The following SLIT3 variants were observed in gnomAD, a reference collection of about 807,000 sequenced individuals.
SLIT3 encodes the protein slit homolog 3 protein.
Under a neutral mutation model 184.0 loss-of-function variants are expected in SLIT3, and 68 were observed. The observed-to-expected ratio is 0.37, with a 90% CI of 0.30 to 0.45. The LOEUF is 0.45. Ranked by LOEUF, SLIT3 falls within the 20% of genes least tolerant of loss-of-function variation. SLIT3 has a pLI of 1.00. For missense variants in SLIT3, 1,707 were observed against 2,026.0 expected (o/e 0.84, Z 3.02); for synonymous variants, 831 against 828.6 (o/e 1.00, Z -0.05).
intron 1 of SLIT3, among the ~76,000 whole-genome samples, chr5:169,257,063 G>C (rs1415128037): frequency 6.6e-6 from 1 of 152,174 alleles, no homozygotes; most frequent in African/African-American, 2.4e-5. Context: ...CTCTATGAAT[G>C]ATAATCGTGG....
intron 4 of SLIT3, among the ~76,000 whole-genome samples, chr5:169,053,204 G>C (rs779545724): frequency 5.1e-4 from 78 of 152,192 alleles, no homozygotes; most frequent in South Asian, 1.0e-3. Context: ...ATTCCAACCT[G>C]GCTCCAGAAT....
intron 17 of SLIT3, 99 bp downstream of exon 17, chr5:168,753,765 C>G: frequency 1.4e-6 from 2 of 1,391,674 alleles, no homozygotes; most frequent in Non-Finnish European, 2.0e-6. Flanking sequence ...CAGGCCAAGA[C>G]AGTGCCTGGG....
chr5:168,967,437 CTTTTTTT>C lies in SLIT3; in HGVS notation c.414-84108_414-84102del, dbSNP rs540309809. On this transcript the variant is annotated intron_variant, in intron 4 of 35. Transcript: ENST00000519560. Reference sequence around the variant, plus strand: ...TTCCTCTGGCACTGCCATCTCAAATCTTTTTTTTTTTTTTTTTTTTGAGACGGAGTCT... The same window carrying C: ...TTCCTCTGGCACTGCCATCTCAAATCTTTTTTTTTTTTTGAGACGGAGTCT... Among the ~76,000 whole-genome samples, 7 of 32,732 alleles carry C rather than the reference CTTTTTTT, an allele frequency of 2.1e-4. 2 individuals are homozygous for C. The highest frequency in any genetic ancestry group is 3.4e-4 in the Non-Finnish European group (6 of 17,766). The allele number at this position is 32,732 out of a possible 152,430, so 21.5% of individuals were successfully genotyped here. A position where few individuals can be genotyped will look rare whatever the true frequency, so the allele number is the denominator to read the frequency against.
chr5:168,857,437 AAC>A (rs1174324348), intron 5 of SLIT3, among the ~76,000 whole-genome samples: 1 of 152,150 alleles, frequency 6.6e-6, no homozygotes, highest in Non-Finnish European at 1.5e-5. Flanking sequence ...GAAAAATAAA[AAC>A]AGTTTGCTCA....
At chr5:169,251,250 C>T (rs1765763232) in intron 2 of SLIT3, 138 bp downstream of exon 2, 6 of 678,670 alleles carry the variant, frequency 8.8e-6, no homozygotes, top group Admixed American at 2.0e-5. Flanking sequence ...GGTACGCTAA[C>T]GAGGGGCTTT....
At chr5:169,021,190 A>G (rs981645131) in intron 4 of SLIT3, among the ~76,000 whole-genome samples, 2 of 152,190 alleles carry the variant, frequency 1.3e-5, no homozygotes, top group Non-Finnish European at 2.9e-5. Flanking sequence ...GATTTTAGCT[A>G]TAACTAGCTC....
chr5:168,712,116 G>T (rs1218630071), intron 24 of SLIT3, among the ~76,000 whole-genome samples, 167 bp downstream of exon 24: 1 of 152,214 alleles, frequency 6.6e-6, no homozygotes, highest in Non-Finnish European at 1.5e-5. Context: ...GAAGGCTTCT[G>T]AGGTGGGAAA....
intron 4 of SLIT3, among the ~76,000 whole-genome samples, chr5:169,138,540 A>T (rs956667080): frequency 1.3e-5 from 2 of 152,126 alleles, no homozygotes; most frequent in African/African-American, 4.8e-5. Context: ...CCTCTGGGAA[A>T]GTGATCTAAG....
intron 4 of SLIT3, among the ~76,000 whole-genome samples, chr5:168,987,105 T>G (rs1283088078): frequency 6.6e-6 from 1 of 152,208 alleles, no homozygotes; most frequent in Non-Finnish European, 1.5e-5. Context: ...TTATTAATGG[T>G]CACTAAGCTG....
intron 3 of SLIT3, among the ~76,000 whole-genome samples, chr5:169,209,089 G>T (rs1764167579): frequency 6.7e-6 from 1 of 149,646 alleles, no homozygotes; most frequent in Admixed American, 6.7e-5. Context: ...AATCTACAAA[G>T]AACTTAAATT....
chr5:169,051,717 G>A (rs907865151), intron 4 of SLIT3, among the ~76,000 whole-genome samples: 1 of 152,188 alleles, frequency 6.6e-6, no homozygotes, highest in Non-Finnish European at 1.5e-5. Flanking sequence ...CCACCCTGCA[G>A]AAATGAGCTT....
chr5:168,716,107 G>A (rs9313423), intron 23 of SLIT3, among the ~76,000 whole-genome samples: 4,169 of 152,280 alleles, frequency 0.027, 189 homozygotes, highest in African/African-American at 0.095. Context: ...AGCTGGGACT[G>A]TAGGTGTGCG....
At chr5:168,736,582 G>A (rs555287549) in intron 20 of SLIT3, among the ~76,000 whole-genome samples, 1 of 152,324 alleles carries the variant, frequency 6.6e-6, no homozygotes, top group Non-Finnish European at 1.5e-5. Flanking sequence ...CCAGCTGTCA[G>A]GATGGACATA....
At chr5:169,265,249 G>A (rs1324594658) in intron 1 of SLIT3, among the ~76,000 whole-genome samples, 14 of 152,228 alleles carry the variant, frequency 9.2e-5, no homozygotes, top group Admixed American at 7.9e-4. Context: ...CCACCGGTGA[G>A]TTCTGGCCTG....
At chr5:168,814,067 C>G (rs951218274) in intron 8 of SLIT3, among the ~76,000 whole-genome samples, 9 of 152,074 alleles carry the variant, frequency 5.9e-5, no homozygotes, top group African/African-American at 2.2e-4. Context: ...AGGTGAATAG[C>G]TTGAATGAGG....
intron 4 of SLIT3, among the ~76,000 whole-genome samples, chr5:168,994,388 C>T (rs2113397513): frequency 6.6e-6 from 1 of 152,154 alleles, no homozygotes; most frequent in African/African-American, 2.4e-5. Context: ...ATTTTCCACA[C>T]TTTTCCTACC....
intron 3 of SLIT3, among the ~76,000 whole-genome samples, chr5:169,220,321 A>G (rs1397604674): frequency 6.6e-6 from 1 of 151,802 alleles, no homozygotes; most frequent in Non-Finnish European, 1.5e-5. Flanking sequence ...CCAAATGGAA[A>G]AAAAAAAAAA....
rs777702567 is a variant in SLIT3 at position 169,054,081 on chromosome 5, ACTCT to A, written c.413+139394_413+139397del. Among the ~76,000 whole-genome samples the A allele has an allele frequency of 1.1e-4, 16 of 151,720 alleles. 1 individual carries two copies. The highest frequency in any genetic ancestry group is 1.8e-4 in the Non-Finnish European group (12 of 67,940). Reference sequence around the variant, plus strand: ...ACTCCAGCCTGGTTGACAGAGTGAGACTCTCTCTCAAGAAAAGAAAAAAAAATAG... The same window carrying A: ...ACTCCAGCCTGGTTGACAGAGTGAGACTCTCAAGAAAAGAAAAAAAAATAG... On this transcript the variant is annotated intron_variant, in intron 4 of 35. Coordinates refer to ENST00000519560, the MANE Select transcript of SLIT3 (RefSeq NM_003062.4).
intron 4 of SLIT3, among the ~76,000 whole-genome samples, chr5:169,101,983 C>T (rs1445602770): frequency 6.6e-6 from 1 of 152,218 alleles, no homozygotes; most frequent in Non-Finnish European, 1.5e-5. Flanking sequence ...CATTCAGCGC[C>T]ACAGTTCTAG....
Sources: allele counts gnomAD v4.1 joint callset (sites outside exome capture counted in the v4.1 genomes callset), GRCh38; gene constraint gnomAD v4.1.1; transcripts MANE v1.5; gene names NCBI Gene and HGNC (gene_info 2026-07-23, HGNC 2026-07-21).